Variants in MPDZ observed in about 807,000 individuals in gnomAD.
MPDZ encodes the protein multiple PDZ domain crumbs cell polarity complex component, also known as multiple PDZ domain protein.
A neutral mutation model predicts 239.1 loss-of-function variants in MPDZ; 234 were observed. That is an observed-to-expected ratio of 0.98 (90% CI 0.88 to 1.09). MPDZ has a LOEUF of 1.09. Among genes scored for constraint, MPDZ ranks in the 50% least tolerant of loss-of-function variants. The probability of loss-of-function intolerance (pLI) is 0.00; values close to 1 mark genes in which losing one functional copy is unlikely to be tolerated. For synonymous variants in MPDZ, 1,048 were observed against 881.3 expected (o/e 1.19, Z -3.35); for missense variants, 3,175 against 2,510.0 (o/e 1.26, Z -5.66).
Position 13,247,788 on chromosome 9 carries a change from G to A in MPDZ, c.30C>T (p.Ala10=), listed in dbSNP as rs1005323748. The A allele has an allele frequency of 1.9e-6, 3 of 1,605,010 alleles. No individual in the cohort carries two copies. The South Asian group carries it at 3.3e-5, about 18-fold the overall frequency. The change falls in exon 3 of 47, where the codon GCC becomes GCT. Residue 10 remains alanine (A), a synonymous_variant. Coordinates refer to ENST00000319217, the MANE Select transcript of MPDZ (RefSeq NM_001378778.1). The stretch of plus-strand genomic sequence containing the variant: ...TTTGCAAGCGCTCTGCTGCATGCAG[G>A]GCCCGATTTTTGTCTATACCAAAGA... MLEAIDKNR[A]LHAAERLQTK... is the part of the protein sequence containing the mutation.
At chr9:13,234,210 T>C (rs1963325801) in intron 3 of MPDZ, among the ~76,000 whole-genome samples, 1 of 152,136 alleles carries the variant, frequency 6.6e-6, no homozygotes, top group African/African-American at 2.4e-5. Flanking sequence ...ACATTTATAA[T>C]ATTTTGACCA....
Position 13,219,637 on chromosome 9 carries a change from A to G in MPDZ, c.1008T>C (p.Gly336=). 1 of 1,612,552 alleles carries G rather than the reference A, an allele frequency of 6.2e-7. No individual in the cohort carries two copies. The highest frequency in any genetic ancestry group is 2.2e-5 in the East Asian group (1 of 44,762). The change falls in exon 8 of 47, where the codon GGT becomes GGC. Residue 336 remains glycine, a synonymous_variant. Coordinates refer to ENST00000319217, the MANE Select transcript of MPDZ (RefSeq NM_001378778.1). The part of the protein sequence containing the change: ...GNRVKLMIAR[G]AIEERTAPTA... ...TGGGTGCTGTACGTTCTTCTATGGCACCTCTTGCAATCATCAACTTAACTC... is the reference window on the plus strand; with the variant it reads ...TGGGTGCTGTACGTTCTTCTATGGCGCCTCTTGCAATCATCAACTTAACTC...
rs868739436 is a variant in MPDZ at position 13,126,444 on chromosome 9, C to T, written c.4632+72G>A. On this transcript the variant is annotated intron_variant, in intron 34 of 46. Coordinates refer to ENST00000319217, the MANE Select transcript of MPDZ (RefSeq NM_001378778.1). ...CTACATAACCCTAATTCTCTATGAT[C>T]GCAGACACAAACACTTTAATCATGC... is the stretch of plus-strand genomic sequence containing the variant. 55 of 1,005,844 alleles carry T rather than the reference C, an allele frequency of 5.5e-5. No individual in the cohort carries two copies. In the Middle Eastern group the frequency reaches 2.8e-3, roughly 52 times the overall value. The allele number at this position is 1,005,844 out of a possible 1,614,324, so 62.3% of individuals were successfully genotyped here.
Position 13,121,753 on chromosome 9 carries a change from A to T in MPDZ, c.5217T>A (p.Ser1739Arg). The T allele has an allele frequency of 6.2e-7, 1 of 1,613,934 alleles. No homozygotes were observed. ...CTCAATCACACCTTTTACCAACAATACTTAATCCTAGGCCTTTTCCCGGCT... is the reference window on the plus strand; with the variant it reads ...CTCAATCACACCTTTTACCAACAATTCTTAATCCTAGGCCTTTTCCCGGCT... ...QKKPGKGLGL[S>R]IVGKRNDTGV... Residue 1739 changes from serine to arginine, a missense_variant, in exon 38 of 47, where the codon AGT becomes AGA. Transcript: ENST00000319217.
rs185973464 is a variant in MPDZ at position 13,111,150 on chromosome 9, G to T, written c.5725-410C>A. Among the ~76,000 whole-genome samples the T allele has an allele frequency of 3.3e-5, 5 of 152,212 alleles. No homozygotes were observed. In the East Asian group the frequency reaches 9.6e-4, roughly 29 times the overall value. On this transcript the variant is annotated intron_variant, in intron 43 of 46. Transcript: ENST00000319217. Reference sequence around the variant, plus strand: ...AACTAAGGCCCAGAGGCCAAATTTGGCCCACTGCCTGTTTTGGTTAATAAA... The same window carrying T: ...AACTAAGGCCCAGAGGCCAAATTTGTCCCACTGCCTGTTTTGGTTAATAAA...
chr9:13,246,754 T>G (rs1966676913), intron 3 of MPDZ, among the ~76,000 whole-genome samples: 1 of 152,198 alleles, frequency 6.6e-6, no homozygotes, highest in South Asian at 2.1e-4. Context: ...AAACTAATCT[T>G]CAAGTTTCAT....
At chr9:13,183,753 T>G (rs537989962) in intron 18 of MPDZ, among the ~76,000 whole-genome samples, 168 bp from the exon 19 acceptor site, 2 of 151,990 alleles carry the variant, frequency 1.3e-5, no homozygotes, top group South Asian at 4.1e-4. Context: ...AGAACAAGGA[T>G]AAATAGCCCA....
chr9:13,129,658 A>T (rs1338622301), intron 32 of MPDZ, among the ~76,000 whole-genome samples: 1 of 152,146 alleles, frequency 6.6e-6, no homozygotes, highest in Non-Finnish European at 1.5e-5. Flanking sequence ...GGGGCTAGTT[A>T]TTAAAACACT....
intron 1 of MPDZ, among the ~76,000 whole-genome samples, chr9:13,271,332 T>C (rs1194895720): frequency 1.3e-5 from 2 of 152,130 alleles, no homozygotes; most frequent in Admixed American, 6.6e-5. Context: ...GATCAGAACA[T>C]GCCACTCCAA....
intron 35 of MPDZ, among the ~76,000 whole-genome samples, chr9:13,123,638 T>C (rs1422055118): frequency 6.6e-6 from 1 of 152,170 alleles, no homozygotes; most frequent in Admixed American, 6.5e-5. Context: ...TTCACTTTGA[T>C]ATTCTCCATT....
chr9:13,246,873 T>A (rs577642885), intron 3 of MPDZ, among the ~76,000 whole-genome samples: 17 of 152,254 alleles, frequency 1.1e-4, no homozygotes, highest in Non-Finnish European at 2.2e-4. Flanking sequence ...ATAATGAGAT[T>A]GACTTCAAAC....
At chr9:13,155,721 T>A (rs963107206) in intron 24 of MPDZ, among the ~76,000 whole-genome samples, 1 of 152,314 alleles carries the variant, frequency 6.6e-6, no homozygotes, top group South Asian at 2.1e-4. Flanking sequence ...TGAATGACTG[T>A]CCCATCATGT....
In MPDZ at chr9:13,122,198, A is replaced by T. The variant is rs755737397; in HGVS notation, c.4954-28T>A. The T allele has an allele frequency of 3.1e-6, 5 of 1,599,182 alleles. No homozygotes were observed. The African/African-American group carries it at 6.7e-5, about 21-fold the overall frequency. On this transcript the variant is annotated intron_variant, in intron 36 of 46. Transcript: ENST00000319217. ...AAGGGCCCAAACAAAACATACCCAT[A>T]CTTATCCCATTCTCCTAGGAATGGT...
At chr9:13,133,961 GTTTA>G in intron 31 of MPDZ, 57 bp from the exon 32 acceptor site, 1 of 960,818 alleles carries the variant, frequency 1.0e-6, no homozygotes, top group South Asian at 3.1e-5. Context: ...AATTTGATTT[GTTTA>G]AATATAAAGG....
chr9:13,134,222 C>T (rs1587081577), intron 31 of MPDZ: 1 of 155,804 alleles, frequency 6.4e-6, no homozygotes, highest in Non-Finnish European at 1.4e-5. Context: ...ATAATGAAAA[C>T]CGATGGTAGC....
At chr9:13,146,089 G>T (rs752668968) in intron 26 of MPDZ, among the ~76,000 whole-genome samples, 1 of 151,988 alleles carries the variant, frequency 6.6e-6, no homozygotes, top group Non-Finnish European at 1.5e-5. Context: ...AAAGAATGCA[G>T]CATGATGCAG....
chr9:13,183,558 C>A lies in MPDZ; in HGVS notation c.2509G>T (p.Asp837Tyr). 6.2e-7 allele frequency: 1 copy of A among 1,612,324 alleles called. No individual in the cohort carries two copies. Among genetic ancestry groups the A allele is most frequent in the Non-Finnish European group, 8.5e-7 (1 of 1,178,954 alleles). Residue 837 changes from aspartate (D) to tyrosine (Y), a missense_variant, in exon 19 of 47, where the codon GAT (aspartate) becomes TAT (tyrosine). Physicochemically the swap from Asp to Tyr is radical, Grantham distance 160. Coordinates refer to ENST00000319217, the MANE Select transcript of MPDZ (RefSeq NM_001378778.1). ...TATGGAGACTCAAATGTGGATTCAT[C>A]TACTAAGTCAGCATCATTTGTGCCC... Reference protein sequence around the residue: ...LVGTNDADLVDESTFESPYSP... With the variant: ...LVGTNDADLVYESTFESPYSP...
At position 13,219,754 on chromosome 9, in the gene MPDZ, G is replaced by T; in HGVS notation, c.891C>A (p.Cys297Ter). 1 of 1,612,340 alleles carries T rather than the reference G, an allele frequency of 6.2e-7. No homozygotes were observed. Among genetic ancestry groups the T allele is most frequent in the Non-Finnish European group, 8.5e-7 (1 of 1,178,960 alleles). The stretch of plus-strand genomic sequence containing the variant: ...CAATCTTTAGAATGTGGTCTCCACT[G>T]CATAAACGCCCATGCTGAGTAAAAC... ...GGVADQHGRL[C>*]SGDHILKIGD... Residue 297 changes from cysteine to a stop codon, truncating the protein, a stop_gained, in exon 8 of 47, where the codon TGC (cysteine) becomes TGA (stop). Coordinates refer to ENST00000319217, the MANE Select transcript of MPDZ (RefSeq NM_001378778.1). LOFTEE classifies it high-confidence loss of function.
intron 25 of MPDZ, among the ~76,000 whole-genome samples, chr9:13,149,078 A>C (rs907113529): frequency 6.6e-6 from 1 of 152,018 alleles, no homozygotes; most frequent in Middle Eastern, 3.2e-3. Context: ...CAAAATTTGA[A>C]ATTTTAGGTA....
Sources: allele counts gnomAD v4.1 joint callset (sites outside exome capture counted in the v4.1 genomes callset), GRCh38; gene constraint gnomAD v4.1.1; transcripts MANE v1.5; gene names NCBI Gene and HGNC (gene_info 2026-07-23, HGNC 2026-07-21).